Variants in TASP1 observed in about 807,000 individuals in gnomAD.
TASP1 encodes the protein threonine aspartase 1.
TASP1 carries 16 observed loss-of-function variants against 56.6 expected under a neutral mutation model. That is an observed-to-expected ratio of 0.28 (90% CI 0.19 to 0.43). TASP1 has a LOEUF of 0.43. Ranked by LOEUF, TASP1 falls within the 20% of genes least tolerant of loss-of-function variation. The pLI, the probability that TASP1 is intolerant of heterozygous loss-of-function variation, is 1.00. For missense variants in TASP1, 393 were observed against 511.6 expected (o/e 0.77, Z 2.24); for synonymous variants, 179 against 184.2 (o/e 0.97, Z 0.23).
chr20:13,182,178 T>G, the TASP1 span, among the ~76,000 whole-genome samples: 2 of 152,200 alleles, frequency 1.3e-5, no homozygotes, highest in African/African-American at 4.8e-5. Flanking sequence ...TCTTAAAATA[T>G]TCCGTCTTTC....
chr20:13,347,857 A>T, the TASP1 span, among the ~76,000 whole-genome samples: 1,716 of 149,178 alleles, frequency 0.012, 35 homozygotes, highest in African/African-American at 0.039. Context: ...AAAAAAAAAA[A>T]TGGATAATTT....
chr20:13,333,687 A>T, the TASP1 span, among the ~76,000 whole-genome samples: 2 of 152,256 alleles, frequency 1.3e-5, no homozygotes, highest in African/African-American at 4.8e-5. Context: ...ATCAACAAAA[A>T]AGTACATATT....
At chr20:13,465,717 G>A (rs1311693035) in intron 11 of TASP1, among the ~76,000 whole-genome samples, 2 of 151,774 alleles carry the variant, frequency 1.3e-5, no homozygotes. Context: ...ATTTTGCTGA[G>A]TATAAAGAGA....
the TASP1 span, among the ~76,000 whole-genome samples, chr20:13,174,082 C>T: frequency 6.6e-6 from 1 of 152,188 alleles, no homozygotes; most frequent in Non-Finnish European, 1.5e-5. Flanking sequence ...CAGTGCCGTT[C>T]TTCATTTCCA....
the TASP1 span, among the ~76,000 whole-genome samples, chr20:13,140,453 G>A: frequency 6.6e-6 from 1 of 152,160 alleles, no homozygotes; most frequent in East Asian, 1.9e-4. Flanking sequence ...GCACGAGACT[G>A]AATTCTGAGC....
the TASP1 span, among the ~76,000 whole-genome samples, chr20:13,304,998 C>A: frequency 6.6e-6 from 1 of 152,054 alleles, no homozygotes; most frequent in Non-Finnish European, 1.5e-5. Context: ...CGCTTAAATA[C>A]TTATTAAGTG....
At chr20:13,517,036 A>G (rs2044565351) in intron 10 of TASP1, among the ~76,000 whole-genome samples, 1 of 152,116 alleles carries the variant, frequency 6.6e-6, no homozygotes, top group Non-Finnish European at 1.5e-5. Context: ...CAGTCAAGCC[A>G]TCAGGTACAC....
intron 7 of TASP1, among the ~76,000 whole-genome samples, chr20:13,561,746 AT>A (rs1415944198): frequency 6.6e-6 from 1 of 152,154 alleles, no homozygotes; most frequent in Non-Finnish European, 1.5e-5. Flanking sequence ...AAAAGATACA[AT>A]TTTGCAAAAG....
chr20:13,374,723 C>T, the TASP1 span, among the ~76,000 whole-genome samples: 1,635 of 152,172 alleles, frequency 0.011, 29 homozygotes, highest in African/African-American at 0.037. Context: ...TCATCTCTTC[C>T]CTTTCTGGGT....
chr20:13,492,446 T>G (rs1372448200), intron 10 of TASP1, among the ~76,000 whole-genome samples: 1 of 152,094 alleles, frequency 6.6e-6, no homozygotes, highest in Admixed American at 6.5e-5. Context: ...AATTTTGGAG[T>G]TGGGTTACTT....
chr20:13,286,499 G>A, the TASP1 span, among the ~76,000 whole-genome samples: 1 of 152,352 alleles, frequency 6.6e-6, no homozygotes, highest in East Asian at 1.9e-4. Flanking sequence ...GCTTAGCTGA[G>A]TGGTTGGAAA....
the TASP1 span, among the ~76,000 whole-genome samples, chr20:13,378,428 G>C: frequency 6.6e-6 from 1 of 152,040 alleles, no homozygotes; most frequent in Admixed American, 6.5e-5. Context: ...ATTGTACTGT[G>C]GTCTGAGAGA....
At chr20:13,460,222 A>G (rs1287417483) in intron 11 of TASP1, among the ~76,000 whole-genome samples, 2 of 152,136 alleles carry the variant, frequency 1.3e-5, no homozygotes, top group Non-Finnish European at 2.9e-5. Flanking sequence ...GCTCATCGGA[A>G]GAGTCTGACC....
At chr20:13,153,999 T>A in the TASP1 span, 1 of 1,613,334 alleles carries the variant, frequency 6.2e-7, no homozygotes, top group Non-Finnish European at 8.5e-7. Flanking sequence ...CTGTCTCTTT[T>A]CAGGGCTGCA....
Position 13,454,425 on chromosome 20 carries a change from T to G in TASP1, c.986-19271A>C, listed in dbSNP as rs138697262. Among the ~76,000 whole-genome samples, 5 of 152,180 alleles carry G rather than the reference T, an allele frequency of 3.3e-5. No individual in the cohort carries two copies. In the East Asian group the frequency reaches 5.8e-4, roughly 18 times the overall value. On this transcript the variant is annotated intron_variant, in intron 11 of 13. Transcript: ENST00000337743. ...TCCCTTCCCCTGTCCCAGGGAGGTATCCTAGCATGGCTGAATGAGCAAACC... is the reference window on the plus strand; with the variant it reads ...TCCCTTCCCCTGTCCCAGGGAGGTAGCCTAGCATGGCTGAATGAGCAAACC...
intron 12 of TASP1, among the ~76,000 whole-genome samples, chr20:13,428,908 G>A (rs1397882298): frequency 3.3e-5 from 5 of 152,074 alleles, no homozygotes; most frequent in Non-Finnish European, 7.4e-5. Context: ...ACTCCATTTG[G>A]CACCTAAATC....
intron 12 of TASP1, among the ~76,000 whole-genome samples, chr20:13,430,751 G>T (rs1208455274): frequency 6.6e-6 from 1 of 152,212 alleles, no homozygotes; most frequent in Admixed American, 6.5e-5. Context: ...TATGGACAAA[G>T]CACCTGTAAC....
the TASP1 span, chr20:13,288,708 C>T: frequency 6.3e-7 from 1 of 1,595,302 alleles, no homozygotes; most frequent in South Asian, 1.1e-5. Context: ...GTGTGTAGCT[C>T]CAAGTTCAAG....
chr20:13,583,732 T>C (rs1353525385), intron 5 of TASP1, among the ~76,000 whole-genome samples: 2 of 152,122 alleles, frequency 1.3e-5, no homozygotes, highest in Admixed American at 1.3e-4. Context: ...CGGTATTACA[T>C]AGGATAAAAG....
Sources: allele counts gnomAD v4.1 joint callset (sites outside exome capture counted in the v4.1 genomes callset), GRCh38; gene constraint gnomAD v4.1.1; transcripts MANE v1.5; gene names NCBI Gene and HGNC (gene_info 2026-07-23, HGNC 2026-07-21).